ATP8A2: variants seen among roughly 807,000 people sequenced by gnomAD.
ATP8A2 encodes the protein phospholipid-transporting ATPase IB.
A neutral mutation model predicts 165.6 loss-of-function variants in ATP8A2; 100 were observed. That is an observed-to-expected ratio of 0.60 (90% CI 0.51 to 0.71). ATP8A2 has a LOEUF of 0.71. Ranked by LOEUF, ATP8A2 falls within the 30% of genes least tolerant of loss-of-function variation. ATP8A2 has a pLI of 0.00. For missense variants in ATP8A2, 1,227 were observed against 1,479.5 expected, an observed-to-expected ratio of 0.83 and a Z score of 2.80; for synonymous variants, 543 against 548.8, an observed-to-expected ratio of 0.99 and a Z score of 0.15.
chr13:25,502,559 T>G (rs1421757110), intron 2 of ATP8A2, among the ~76,000 whole-genome samples: 5 of 152,234 alleles, frequency 3.3e-5, no homozygotes, highest in African/African-American at 1.2e-4. Context: ...CCTCTGTCAC[T>G]TGCTTTTTGG....
Position 25,937,362 on chromosome 13 carries a change from C to CTTTCTTT in ATP8A2, c.3184-24210_3184-24209insCTTTTTT. ...TGCTTTGTCTTTCTATTCTTTCTTT[C>CTTTCTTT]TTTTTTTTTTTTTTTTTGAACAGCC... On this transcript the variant is annotated intron_variant, in intron 33 of 36. Coordinates refer to ENST00000381655, the MANE Select transcript of ATP8A2 (RefSeq NM_016529.6). Among the ~76,000 whole-genome samples the CTTTCTTT allele has an allele frequency of 7.4e-3, 289 of 38,800 alleles. 43 individuals are homozygous for CTTTCTTT. Among genetic ancestry groups the CTTTCTTT allele is most frequent in the Admixed American group, 0.012 (26 of 2,182 alleles). 25.5% of individuals were successfully genotyped at this position (38,800 alleles called of 152,430 possible). A position where few individuals can be genotyped will look rare whatever the true frequency, so the allele number is the denominator to read the frequency against.
At chr13:25,447,521 C>G (rs899728201) in intron 1 of ATP8A2, among the ~76,000 whole-genome samples, 1 of 152,096 alleles carries the variant, frequency 6.6e-6, no homozygotes, top group Non-Finnish European at 1.5e-5. Context: ...GGTGCAGGAG[C>G]TGGGGTGAGT....
intron 33 of ATP8A2, among the ~76,000 whole-genome samples, chr13:25,921,120 T>G (rs903761490): frequency 6.6e-6 from 1 of 152,100 alleles, no homozygotes; most frequent in African/African-American, 2.4e-5. Context: ...AACTGTATCT[T>G]CCTTCCTTGT....
intron 2 of ATP8A2, among the ~76,000 whole-genome samples, chr13:25,488,498 T>G (rs2036422096): frequency 1.3e-5 from 2 of 152,156 alleles, no homozygotes; most frequent in African/African-American, 4.8e-5. Flanking sequence ...CCCAGCACTT[T>G]GGGAGGCTGA....
At chr13:25,692,180 G>T (rs2042739190) in intron 24 of ATP8A2, among the ~76,000 whole-genome samples, 1 of 152,168 alleles carries the variant, frequency 6.6e-6, no homozygotes, top group Non-Finnish European at 1.5e-5. Flanking sequence ...GAATGTGTGG[G>T]ATAAAGAAAG....
At chr13:25,870,759 T>C (rs941875300) in intron 33 of ATP8A2, among the ~76,000 whole-genome samples, 1 of 152,188 alleles carries the variant, frequency 6.6e-6, no homozygotes, top group Non-Finnish European at 1.5e-5. Flanking sequence ...GTTTGAGAAA[T>C]GTTGCTCAAT....
At chr13:25,790,610 G>A (rs1290565609) in intron 27 of ATP8A2, among the ~76,000 whole-genome samples, 1 of 151,388 alleles carries the variant, frequency 6.6e-6, no homozygotes, top group Non-Finnish European at 1.5e-5. Flanking sequence ...TGGGAGGATC[G>A]CTTGAGCCTG....
At chr13:25,672,509 CA>C (rs1284667904) in intron 24 of ATP8A2, among the ~76,000 whole-genome samples, 1 of 152,100 alleles carries the variant, frequency 6.6e-6, no homozygotes, top group African/African-American at 2.4e-5. Context: ...GAGTTCAATT[CA>C]AAACTCTAAG....
chr13:25,446,017 G>A (rs578140928), intron 1 of ATP8A2, among the ~76,000 whole-genome samples: 12 of 152,228 alleles, frequency 7.9e-5, no homozygotes, highest in East Asian at 1.9e-4. Context: ...AAATGATAGC[G>A]TGCGTGGAGT....
At chr13:25,792,213 A>T (rs9551224) in intron 27 of ATP8A2, among the ~76,000 whole-genome samples, 2 of 152,180 alleles carry the variant, frequency 1.3e-5, no homozygotes, top group African/African-American at 2.4e-5. Flanking sequence ...TATGATCTGT[A>T]TACATTTAGT....
chr13:25,725,516 G>C (rs183857064), intron 25 of ATP8A2, among the ~76,000 whole-genome samples: 87 of 152,326 alleles, frequency 5.7e-4, no homozygotes, highest in Non-Finnish European at 9.8e-4. Flanking sequence ...ACAGACAGGG[G>C]TGCTGGGGTG....
intron 33 of ATP8A2, among the ~76,000 whole-genome samples, chr13:25,955,861 G>C (rs1244302272): frequency 6.6e-6 from 1 of 152,146 alleles, no homozygotes; most frequent in Non-Finnish European, 1.5e-5. Context: ...ATGAACATCA[G>C]TGTGAAAATC....
intron 35 of ATP8A2, among the ~76,000 whole-genome samples, chr13:25,970,177 A>G (rs1955879887): frequency 6.6e-6 from 1 of 152,250 alleles, no homozygotes; most frequent in African/African-American, 2.4e-5. Flanking sequence ...ATACACAATG[A>G]TTGCTGAGGG....
At chr13:25,455,150 G>C (rs1748577) in intron 1 of ATP8A2, among the ~76,000 whole-genome samples, 151,272 of 152,318 alleles carry the variant, frequency 0.99, 75,124 homozygotes, top group East Asian at 1. Flanking sequence ...CCCTCACTGT[G>C]CCCCACAGCA....
intron 24 of ATP8A2, among the ~76,000 whole-genome samples, chr13:25,594,474 A>T (rs1016876679): frequency 6.6e-6 from 1 of 152,170 alleles, no homozygotes; most frequent in Non-Finnish European, 1.5e-5. Context: ...GTATTTGGTT[A>T]CATGAGTCAG....
chr13:25,938,762 T>C (rs1249168282), intron 33 of ATP8A2, among the ~76,000 whole-genome samples: 2 of 151,952 alleles, frequency 1.3e-5, no homozygotes, highest in African/African-American at 2.4e-5. Flanking sequence ...ATTAAGGAAG[T>C]CGTGAGTGTC....
At chr13:25,927,188 CTGT>C (rs1429407981) in intron 33 of ATP8A2, 4 of 456,650 alleles carry the variant, frequency 8.8e-6, no homozygotes, top group Admixed American at 7.0e-5. Context: ...CGGCGGGTCC[CTGT>C]GCCCCGGAGC....
intron 24 of ATP8A2, among the ~76,000 whole-genome samples, chr13:25,657,687 GTTAAACAGATAC>G (rs2041963587): frequency 6.6e-6 from 1 of 152,214 alleles, no homozygotes; most frequent in Middle Eastern, 3.2e-3. Context: ...AAATGTTGGT[GTTAAACAGATAC>G]TTTTACTCTA....
At position 25,645,279 on chromosome 13, in the gene ATP8A2, A is replaced by G. The variant is rs138422212; in HGVS notation, c.2212-53894A>G. On this transcript the variant is annotated intron_variant, in intron 24 of 36. Coordinates refer to ENST00000381655, the MANE Select transcript of ATP8A2 (RefSeq NM_016529.6). ...TGCATCAGATCTTGTGAGACTATTCAGTATCACCAGAATAGCACAGGAAAG... is the reference window on the plus strand; with the variant it reads ...TGCATCAGATCTTGTGAGACTATTCGGTATCACCAGAATAGCACAGGAAAG... Among the ~76,000 whole-genome samples, 252 of 152,326 alleles carry G rather than the reference A, an allele frequency of 1.7e-3. 1 individual carries two copies. The highest frequency in any genetic ancestry group is 5.8e-3 in the African/African-American group (243 of 41,574).
Sources: gnomAD v4.1 joint callset for allele counts (sites outside exome capture counted in the v4.1 genomes callset) on GRCh38, gnomAD v4.1.1 for gene constraint, MANE v1.5 for transcripts, NCBI Gene and HGNC (gene_info 2026-07-23, HGNC 2026-07-21) for gene names.